Variants in DYNC1I1 observed in about 807,000 individuals in gnomAD.
The protein encoded by DYNC1I1 is dynein cytoplasmic 1 intermediate chain 1, also known as cytoplasmic dynein 1 intermediate chain 1.
Under a neutral mutation model 86.6 loss-of-function variants are expected in DYNC1I1, and 43 were observed. The observed-to-expected ratio is 0.50, with a 90% confidence interval of 0.39 to 0.64. The LOEUF is 0.64. Ranked by LOEUF, DYNC1I1 falls within the 30% of genes least tolerant of loss-of-function variation. The probability of loss-of-function intolerance (pLI) is 0.00; values close to 1 mark genes in which losing one functional copy is unlikely to be tolerated. For missense variants in DYNC1I1, 604 were observed against 788.8 expected (o/e 0.77, Z 2.81); for synonymous variants, 262 against 283.7 (o/e 0.92, Z 0.77).
At chr7:95,867,223 C>G (rs1431946255) in intron 5 of DYNC1I1, among the ~76,000 whole-genome samples, 1 of 152,172 alleles carries the variant, frequency 6.6e-6, no homozygotes, top group Non-Finnish European at 1.5e-5. Flanking sequence ...CTCTGATTTT[C>G]TTTTACAAAT....
At chr7:95,832,057 C>T (rs1460962580) in intron 5 of DYNC1I1, among the ~76,000 whole-genome samples, 6 of 149,642 alleles carry the variant, frequency 4.0e-5, no homozygotes, top group African/African-American at 2.5e-5. Context: ...CATGCTGGTG[C>T]GCTGCACCCA....
Position 95,929,490 on chromosome 7 carries a change from G to GTATGCTGCTCATTAACAAT in DYNC1I1, c.491-48020_491-48002dup, listed in dbSNP as rs1791833602. On this transcript the variant is annotated intron_variant, in intron 6 of 16. Transcript: ENST00000447467. ...CTAGTTCCTTCATAGAGCCTGGAAA[G>GTATGCTGCTCATTAACAAT]TATGCTGCTCATTAACAATTGTGCT... Among the ~76,000 whole-genome samples the GTATGCTGCTCATTAACAAT allele has an allele frequency of 2.0e-5, 3 of 152,198 alleles. 1 individual carries two copies. In the South Asian group the frequency reaches 6.2e-4, roughly 32 times the overall value.
chr7:95,853,428 C>T (rs1789633204), intron 5 of DYNC1I1, among the ~76,000 whole-genome samples: 1 of 152,162 alleles, frequency 6.6e-6, no homozygotes, highest in African/African-American at 2.4e-5. Flanking sequence ...TATTTGGTCC[C>T]TTGATCCTCA....
At chr7:96,100,294 C>G (rs1563005901), downstream of DYNC1I1, among the ~76,000 whole-genome samples, 1 of 152,094 alleles carries the variant, frequency 6.6e-6, no homozygotes, top group African/African-American at 2.4e-5. Flanking sequence ...CAGTCCAAGA[C>G]TAGCTGACTT....
chr7:95,844,660 T>A (rs151335613), intron 5 of DYNC1I1, among the ~76,000 whole-genome samples: 341 of 151,468 alleles, frequency 2.3e-3, no homozygotes, highest in African/African-American at 7.8e-3. Flanking sequence ...GTGTGGAAAA[T>A]GGTCCTCAAC....
intron 6 of DYNC1I1, among the ~76,000 whole-genome samples, chr7:95,913,564 A>C (rs1791392936): frequency 6.6e-6 from 1 of 152,176 alleles, no homozygotes; most frequent in Non-Finnish European, 1.5e-5. Flanking sequence ...GCCTGCTGCC[A>C]CATAAGACAT....
intron 10 of DYNC1I1, among the ~76,000 whole-genome samples, chr7:95,997,701 C>T (rs1203337799): frequency 6.7e-6 from 1 of 149,428 alleles, no homozygotes; most frequent in Non-Finnish European, 1.5e-5. Context: ...CAATATATGT[C>T]ATTGAGAAGA....
chr7:95,962,635 C>T (rs1490833301), intron 6 of DYNC1I1, among the ~76,000 whole-genome samples: 29 of 152,102 alleles, frequency 1.9e-4, no homozygotes, highest in Admixed American at 1.8e-3. Flanking sequence ...CTCATTGTTT[C>T]ACACAACAAT....
At chr7:96,077,892 C>G (rs1269279425) in intron 15 of DYNC1I1, among the ~76,000 whole-genome samples, 1 of 151,978 alleles carries the variant, frequency 6.6e-6, no homozygotes, top group Non-Finnish European at 1.5e-5. Flanking sequence ...AAGAGACAAC[C>G]ACATAAGAGT....
chr7:95,973,888 T>A (rs75435015), intron 6 of DYNC1I1, among the ~76,000 whole-genome samples: 2,599 of 152,352 alleles, frequency 0.017, 51 homozygotes, highest in South Asian at 0.095. Context: ...TCAAACTAGA[T>A]GGCTCTAATA....
chr7:96,105,446 G>C (rs1014375811), intron 16 of DYNC1I1, among the ~76,000 whole-genome samples: 21 of 151,446 alleles, frequency 1.4e-4, no homozygotes, highest in African/African-American at 5.1e-4. Context: ...CCTTTATTCT[G>C]GTAATGTGAA....
intron 14 of DYNC1I1, among the ~76,000 whole-genome samples, chr7:96,054,020 T>C (rs556423163): frequency 2.0e-5 from 3 of 152,342 alleles, no homozygotes; most frequent in East Asian, 1.9e-4. Context: ...GTGCAGAATA[T>C]GCAGGTTTGT....
rs528672710 is a variant in DYNC1I1 at position 96,034,414 on chromosome 7, C to T, written c.1231-1205C>T. Among the ~76,000 whole-genome samples the T allele has an allele frequency of 2.6e-5, 4 of 152,134 alleles. No homozygotes were observed. In the East Asian group the frequency reaches 7.7e-4, roughly 29 times the overall value. ...GGTTAAAACCAGTAATATGGTGGCT[C>T]TAAGTCCGTTTGTATTAGTTTTAGC... On this transcript the variant is annotated intron_variant, in intron 12 of 16. Transcript: ENST00000447467.
chr7:95,829,853 G>A (rs1050333094), intron 5 of DYNC1I1, among the ~76,000 whole-genome samples: 1 of 151,960 alleles, frequency 6.6e-6, no homozygotes, highest in African/African-American at 2.4e-5. Flanking sequence ...CCCAAACTAG[G>A]CATTTATTTA....
chr7:95,929,098 A>G (rs1791822770), intron 6 of DYNC1I1, among the ~76,000 whole-genome samples: 1 of 152,170 alleles, frequency 6.6e-6, no homozygotes, highest in East Asian at 1.9e-4. Context: ...AAAGATGAGC[A>G]TGTTTTAATT....
intron 7 of DYNC1I1, among the ~76,000 whole-genome samples, chr7:95,982,890 A>T (rs1793491123): frequency 6.6e-6 from 1 of 152,122 alleles, no homozygotes; most frequent in African/African-American, 2.4e-5. Flanking sequence ...CAAATGTCTC[A>T]TTTACAGGAG....
intron 6 of DYNC1I1, among the ~76,000 whole-genome samples, chr7:95,925,621 A>G (rs1791725745): frequency 6.6e-6 from 1 of 152,132 alleles, no homozygotes; most frequent in Admixed American, 6.6e-5. Flanking sequence ...TAACATTTCT[A>G]TTGATTTTTA....
chr7:95,982,909 A>G (rs1225955970), intron 7 of DYNC1I1, among the ~76,000 whole-genome samples: 1 of 152,198 alleles, frequency 6.6e-6, no homozygotes, highest in Non-Finnish European at 1.5e-5. Context: ...AGTTTTAGAA[A>G]GCAGACTAGT....
chr7:95,957,085 G>A (rs1427172196), intron 6 of DYNC1I1, among the ~76,000 whole-genome samples: 1 of 152,022 alleles, frequency 6.6e-6, no homozygotes, highest in East Asian at 1.9e-4. Context: ...ATATTTCTTA[G>A]CTCTAAAAAC....
Sources: allele counts gnomAD v4.1 joint callset (sites outside exome capture counted in the v4.1 genomes callset), GRCh38; gene constraint gnomAD v4.1.1; transcripts MANE v1.5; gene names NCBI Gene and HGNC (gene_info 2026-07-23, HGNC 2026-07-21).